Variants in CDKN2B-AS1 observed in about 807,000 individuals in gnomAD.
The protein encoded by CDKN2B-AS1 is CDKN2B and CDKN2A antisense cis and trans regulatory RNA 1.
rs1313681433 is a variant in CDKN2B-AS1 at position 22,005,219 on chromosome 9, G to C, written n.29+10058G>C. ...CCTCATCCTGTGTAGTCTGCCTGCG[G>C]AACCCGCGGGAATCTCTCCTCAGTG... On this transcript the variant is annotated intron_variant and non_coding_transcript_variant, in intron 1 of 4. Coordinates refer to ENST00000650946, the Ensembl canonical transcript of CDKN2B-AS1. The surrounding 1 kb of genome is among the most constrained non-coding windows in gnomAD (Gnocchi z 4.9). The C allele has an allele frequency of 8.6e-6, 2 of 233,328 alleles. No homozygotes were observed. Among genetic ancestry groups the C allele is most frequent in the East Asian group, 1.2e-4 (2 of 16,574 alleles). The allele number at this position is 233,328 out of a possible 1,614,324, so 14.5% of individuals were successfully genotyped here. A position where few individuals can be genotyped will look rare whatever the true frequency, so the allele number is the denominator to read the frequency against.
intron 4 of CDKN2B-AS1, among the ~76,000 whole-genome samples, chr9:22,075,949 A>C (rs1411829890): frequency 6.6e-6 from 1 of 152,192 alleles, no homozygotes; most frequent in Non-Finnish European, 1.5e-5. Context: ...GACAGGAAGC[A>C]GTGGTGATCT....
rs749530069 is a variant in CDKN2B-AS1 at position 22,006,007 on chromosome 9, G to A, written n.29+10846G>A. 6.2e-7 allele frequency: 1 copy of A among 1,603,144 alleles called. No individual in the cohort carries two copies. Among genetic ancestry groups the A allele is most frequent in the Non-Finnish European group, 8.5e-7 (1 of 1,179,746 alleles). On this transcript the variant is annotated intron_variant and non_coding_transcript_variant, in intron 1 of 4. Transcript: ENST00000650946. The surrounding 1 kb of genome is among the most constrained non-coding windows in gnomAD (Gnocchi z 6.4). ...TGGCGTCAGTCCCCCGTGGCTGTGC[G>A]CAGGTACCCTGCAACGTCGCGGTGG... is the stretch of plus-strand genomic sequence containing the variant.
exon 5 of CDKN2B-AS1, among the ~76,000 whole-genome samples, chr9:22,127,153 C>T (rs369934158): frequency 6.6e-6 from 1 of 152,206 alleles, no homozygotes; most frequent in African/African-American, 2.4e-5. Flanking sequence ...GTGATCTCGG[C>T]TCACTGCAAC....
At chr9:22,119,807 C>G (rs1826052158) in intron 4 of CDKN2B-AS1, 1 of 152,224 alleles carries the variant, frequency 6.6e-6, no homozygotes, top group Admixed American at 6.5e-5. Context: ...CTTTCCCTCA[C>G]TGCATTAGGT....
At chr9:22,101,507 A>G (rs2131356213) in intron 4 of CDKN2B-AS1, among the ~76,000 whole-genome samples, 1 of 152,326 alleles carries the variant, frequency 6.6e-6, no homozygotes, top group South Asian at 2.1e-4. Flanking sequence ...CCTGACCTAA[A>G]TATCATTCCC....
intron 4 of CDKN2B-AS1, among the ~76,000 whole-genome samples, chr9:22,078,598 G>A (rs1001084008): frequency 6.6e-6 from 1 of 152,096 alleles, no homozygotes; most frequent in Admixed American, 6.5e-5. Flanking sequence ...ATCTGCAGGA[G>A]ATCTTGTTAA....
chr9:22,035,580 G>A (rs78266932), intron 1 of CDKN2B-AS1, among the ~76,000 whole-genome samples: 2,341 of 152,252 alleles, frequency 0.015, 29 homozygotes, highest in Middle Eastern at 0.031. Context: ...GTGGTTCCAC[G>A]AGGGGTTGGA....
chr9:22,009,131 G>A (rs779167538), intron 1 of CDKN2B-AS1: 43 of 840,668 alleles, frequency 5.1e-5, no homozygotes, highest in Non-Finnish European at 6.2e-5. Context: ...TGCAGTGGCC[G>A]AGCGGCCGGT....
chr9:22,070,593 C>T (rs772587231), intron 4 of CDKN2B-AS1, among the ~76,000 whole-genome samples: 8 of 152,058 alleles, frequency 5.3e-5, no homozygotes, highest in African/African-American at 1.4e-4. Flanking sequence ...GCGTCCTGGG[C>T]AGAGGAAGGA....
intron 1 of CDKN2B-AS1, chr9:22,008,773 G>A (rs1375230866): frequency 1.9e-6 from 3 of 1,608,822 alleles, no homozygotes; most frequent in Admixed American, 1.7e-5. Context: ...GCCCCCTGCC[G>A]GCGAGGCCCT....
chr9:22,001,648 G>A lies in CDKN2B-AS1; in HGVS notation n.29+6487G>A, dbSNP rs1820923288. Among the ~76,000 whole-genome samples, 1 of 152,072 alleles carries A rather than the reference G, an allele frequency of 6.6e-6. No homozygotes were observed. On this transcript the variant is annotated intron_variant and non_coding_transcript_variant, in intron 1 of 4. Transcript: ENST00000650946. The surrounding 1 kb of genome is among the most constrained non-coding windows in gnomAD (Gnocchi z 4.2). ...TAATTAATAGGGCCTATATGTGAAAGTTACTGTGTTTCTGTAAAATGAAGT... is the reference window on the plus strand; with the variant it reads ...TAATTAATAGGGCCTATATGTGAAAATTACTGTGTTTCTGTAAAATGAAGT...
chr9:22,009,066 G>A, intron 1 of CDKN2B-AS1: 2 of 1,511,694 alleles, frequency 1.3e-6, no homozygotes, highest in Non-Finnish European at 1.8e-6. Context: ...CTTCCTAGGA[G>A]ACCTGGGCTC....
At chr9:22,099,906 G>A (rs1011402803) in intron 4 of CDKN2B-AS1, among the ~76,000 whole-genome samples, 3 of 152,152 alleles carry the variant, frequency 2.0e-5, no homozygotes, top group Non-Finnish European at 2.9e-5. Context: ...GTGGCTTTTA[G>A]TGGGGGGCAT....
intron 1 of CDKN2B-AS1, among the ~76,000 whole-genome samples, chr9:22,043,129 A>G (rs1020286898): frequency 5.9e-5 from 9 of 152,096 alleles, no homozygotes; most frequent in Non-Finnish European, 1.5e-5. Context: ...TAGTTATAAT[A>G]GCCATATCAA....
At chr9:22,065,668 G>A (rs944704378) in intron 4 of CDKN2B-AS1, 19 of 152,090 alleles carry the variant, frequency 1.2e-4, no homozygotes, top group African/African-American at 4.6e-4. Flanking sequence ...GAAGGCCTGG[G>A]ACATGGAGAC....
chr9:22,060,606 A>C (rs1348872738), intron 4 of CDKN2B-AS1, among the ~76,000 whole-genome samples: 1 of 152,076 alleles, frequency 6.6e-6, no homozygotes, highest in Non-Finnish European at 1.5e-5. Flanking sequence ...TCACTTCCAC[A>C]TTTTTGGGTA....
At position 22,006,229 on chromosome 9, in the gene CDKN2B-AS1, C is replaced by T. The variant is rs2131181953; in HGVS notation, n.29+11068C>T. 1 of 1,606,228 alleles carries T rather than the reference C, an allele frequency of 6.2e-7. No individual in the cohort carries two copies. The highest frequency in any genetic ancestry group is 8.5e-7 in the Non-Finnish European group (1 of 1,179,822). ...AGCAGCAGCAGCTCCGCCACGCGGGCGCTGCCCATCATCATGACCTGCCAG... is the reference window on the plus strand; with the variant it reads ...AGCAGCAGCAGCTCCGCCACGCGGGTGCTGCCCATCATCATGACCTGCCAG... On this transcript the variant is annotated intron_variant and non_coding_transcript_variant, in intron 1 of 4. Transcript: ENST00000650946. This position sits in a 1 kb window ranked among gnomAD's most constrained non-coding sequence, Gnocchi z 6.4.
intron 4 of CDKN2B-AS1, chr9:22,061,961 C>T (rs1193537775): frequency 6.6e-6 from 1 of 152,110 alleles, no homozygotes; most frequent in Non-Finnish European, 1.5e-5. Flanking sequence ...AGATATGACA[C>T]ATTCATAATT....
chr9:22,036,535 C>T (rs533102590), intron 1 of CDKN2B-AS1, among the ~76,000 whole-genome samples: 5 of 152,242 alleles, frequency 3.3e-5, no homozygotes, highest in African/African-American at 1.2e-4. Flanking sequence ...TATTTTTATA[C>T]TTCCATGCTA....
Sources: allele counts gnomAD v4.1 joint callset (sites outside exome capture counted in the v4.1 genomes callset), GRCh38; gene constraint gnomAD v4.1.1; non-coding constraint Gnocchi (gnomAD v3.1); transcripts MANE v1.5; gene names NCBI Gene and HGNC (gene_info 2026-07-23, HGNC 2026-07-21).